The following SNTG2 variants were observed in gnomAD, a reference collection of about 807,000 sequenced individuals.
SNTG2 encodes syntrophin gamma 2.
Under a neutral mutation model 70.9 loss-of-function variants are expected in SNTG2, and 74 were observed. The ratio of observed to expected loss-of-function variants is 1.04; its 90% CI spans 0.86 to 1.27. SNTG2 has a LOEUF of 1.27. Ranked by LOEUF, SNTG2 falls within the 50% of genes most tolerant of loss-of-function variation. The pLI is 0.00. For synonymous variants in SNTG2, 278 were observed against 273.8 expected (o/e 1.02, Z -0.15); for missense variants, 717 against 690.7 (o/e 1.04, Z -0.43).
intron 12 of SNTG2, among the ~76,000 whole-genome samples, chr2:1,257,415 G>A (rs936053010): frequency 5.9e-5 from 9 of 152,154 alleles, no homozygotes; most frequent in Admixed American, 5.9e-4. Context: ...ACGGCCACTG[G>A]CAGGAGGAAT....
intron 4 of SNTG2, among the ~76,000 whole-genome samples, chr2:1,122,017 T>G (rs1357995773): frequency 1.3e-5 from 2 of 152,050 alleles, no homozygotes; most frequent in Non-Finnish European, 2.9e-5. Flanking sequence ...AGGAAATGGT[T>G]AAATTTGTGG....
At chr2:1,123,369 G>C (rs1347447386) in intron 4 of SNTG2, among the ~76,000 whole-genome samples, 1 of 152,200 alleles carries the variant, frequency 6.6e-6, no homozygotes, top group Non-Finnish European at 1.5e-5. Flanking sequence ...ACCTACACCA[G>C]TGGAGCAGAA....
At chr2:1,315,640 A>G (rs552882688) in intron 15 of SNTG2, among the ~76,000 whole-genome samples, 1 of 152,250 alleles carries the variant, frequency 6.6e-6, no homozygotes, top group African/African-American at 2.4e-5. Flanking sequence ...TGTAGAGTAC[A>G]TTTCATCTTT....
chr2:1,164,525 C>G (rs1240951190), intron 6 of SNTG2, among the ~76,000 whole-genome samples: 6 of 114,634 alleles, frequency 5.2e-5, no homozygotes, highest in African/African-American at 1.8e-4. Flanking sequence ...GGAACCTGCC[C>G]AAACTGTGGG....
chr2:1,008,272 G>A (rs1303128058), intron 1 of SNTG2, among the ~76,000 whole-genome samples: 1 of 152,168 alleles, frequency 6.6e-6, no homozygotes, highest in East Asian at 1.9e-4. Context: ...TCGAATGTGT[G>A]TTTGTAACAC....
chr2:1,135,248 T>C (rs920400222), intron 4 of SNTG2, among the ~76,000 whole-genome samples: 3 of 152,226 alleles, frequency 2.0e-5, no homozygotes, highest in African/African-American at 7.2e-5. Flanking sequence ...TGCCTGGCTC[T>C]GGACAGTCAT....
intron 14 of SNTG2, among the ~76,000 whole-genome samples, chr2:1,274,950 G>A (rs972310302): frequency 1.3e-5 from 2 of 152,210 alleles, no homozygotes; most frequent in African/African-American, 4.8e-5. Flanking sequence ...GCATGGCACT[G>A]GCTTCTGACC....
chr2:998,329 A>G (rs1170381799), intron 1 of SNTG2, among the ~76,000 whole-genome samples: 1 of 152,184 alleles, frequency 6.6e-6, no homozygotes, highest in African/African-American at 2.4e-5. Flanking sequence ...CAGATAGAGA[A>G]TACAAACTAT....
intron 9 of SNTG2, among the ~76,000 whole-genome samples, chr2:1,229,487 A>G (rs1478181464): frequency 2.0e-5 from 3 of 152,230 alleles, no homozygotes; most frequent in Admixed American, 2.0e-4. Flanking sequence ...TGAGCTAGAC[A>G]TAAAGGTTCT....
At chr2:1,265,487 G>T (rs904225174) in intron 13 of SNTG2, among the ~76,000 whole-genome samples, 2 of 152,168 alleles carry the variant, frequency 1.3e-5, no homozygotes, top group Non-Finnish European at 2.9e-5. Context: ...GATGCACAGG[G>T]ATAAATGTGC....
intron 14 of SNTG2, among the ~76,000 whole-genome samples, chr2:1,301,822 C>T (rs1437573953): frequency 6.6e-6 from 1 of 151,998 alleles, no homozygotes; most frequent in Non-Finnish European, 1.5e-5. Context: ...GCAGATCTAT[C>T]CAGAAAGAAT....
chr2:1,007,188 C>A (rs551201487), intron 1 of SNTG2, among the ~76,000 whole-genome samples: 1 of 152,016 alleles, frequency 6.6e-6, no homozygotes, highest in Non-Finnish European at 1.5e-5. Context: ...ATCCATCCCC[C>A]ACAGATCCCA....
At chr2:1,174,271 T>C (rs565878619) in intron 8 of SNTG2, among the ~76,000 whole-genome samples, 1 of 143,362 alleles carries the variant, frequency 7.0e-6, no homozygotes, top group African/African-American at 2.7e-5. Flanking sequence ...ATTTTCTTGA[T>C]TGAAAAAAAG....
chr2:1,205,644 T>C (rs551810216), intron 8 of SNTG2, among the ~76,000 whole-genome samples: 47 of 152,210 alleles, frequency 3.1e-4, no homozygotes, highest in Non-Finnish European at 6.0e-4. Flanking sequence ...TCTCTGAACC[T>C]GATGGCCTTC....
chr2:959,082 CACTT>C (rs1319649738), intron 1 of SNTG2, among the ~76,000 whole-genome samples: 1 of 151,982 alleles, frequency 6.6e-6, no homozygotes, highest in Non-Finnish European at 1.5e-5. Context: ...TAATGTATAA[CACTT>C]ATATAAGGTT....
At chr2:967,487 CTG>C (rs1422951035) in intron 1 of SNTG2, among the ~76,000 whole-genome samples, 3 of 151,964 alleles carry the variant, frequency 2.0e-5, no homozygotes, top group African/African-American at 7.3e-5. Flanking sequence ...TATTTTTAGT[CTG>C]TTTTTATGGT....
intron 1 of SNTG2, among the ~76,000 whole-genome samples, chr2:956,051 C>T (rs950794546): frequency 8.2e-5 from 12 of 145,952 alleles, no homozygotes; most frequent in Non-Finnish European, 1.1e-4. Context: ...CTGCCCCTGC[C>T]CCTGCCCCTA....
intron 1 of SNTG2, among the ~76,000 whole-genome samples, chr2:1,009,566 T>C (rs976395768): frequency 1.4e-5 from 2 of 144,170 alleles, no homozygotes; most frequent in African/African-American, 2.6e-5. Context: ...GATACTGGTG[T>C]GGGTTGTGTG....
At chr2:1,189,589 C>T (rs752044789) in intron 8 of SNTG2, among the ~76,000 whole-genome samples, 9 of 150,918 alleles carry the variant, frequency 6.0e-5, no homozygotes, top group South Asian at 2.1e-4. Context: ...GATGGAGTCT[C>T]GCTCTGTTGC....
Sources: gnomAD v4.1 joint callset for allele counts (sites outside exome capture counted in the v4.1 genomes callset) on GRCh38, gnomAD v4.1.1 for gene constraint, MANE v1.5 for transcripts, NCBI Gene and HGNC (gene_info 2026-07-23, HGNC 2026-07-21) for gene names.